MTMR12: variants seen among roughly 807,000 people sequenced by gnomAD.
The protein encoded by MTMR12 is myotubularin-related protein 12.
MTMR12 carries 33 observed loss-of-function variants against 96.7 expected under a neutral mutation model. The ratio of observed to expected loss-of-function variants is 0.34; its 90% CI spans 0.26 to 0.46. MTMR12 has a LOEUF of 0.46. Among genes scored for constraint, MTMR12 ranks in the 20% least tolerant of loss-of-function variants. MTMR12 has a pLI of 1.00. For synonymous variants in MTMR12, 298 were observed against 327.2 expected, an observed-to-expected ratio of 0.91 and a Z score of 0.96; for missense variants, 721 against 896.1, an observed-to-expected ratio of 0.80 and a Z score of 2.49.
At chr5:32,247,945 T>C (rs1421589798) in intron 10 of MTMR12, 57 bp downstream of exon 10, 4 of 1,584,290 alleles carry the variant, frequency 2.5e-6, no homozygotes, top group Non-Finnish European at 3.4e-6. Context: ...TCACCTGATC[T>C]GCATGGCATG....
At chr5:32,267,101 G>A (rs540882463) in intron 6 of MTMR12, among the ~76,000 whole-genome samples, 4 of 151,386 alleles carry the variant, frequency 2.6e-5, no homozygotes, top group South Asian at 2.1e-4. Flanking sequence ...AAAGAGTAAC[G>A]GACGGGCCCT....
chr5:32,255,836 C>T, intron 7 of MTMR12, 68 bp from the exon 8 acceptor site: 1 of 1,335,204 alleles, frequency 7.5e-7, no homozygotes, highest in Non-Finnish European at 1.1e-6. Context: ...AGCTCAACTT[C>T]AATGGATACG....
intron 1 of MTMR12, among the ~76,000 whole-genome samples, chr5:32,287,506 GTAATT>G (rs1750581961): frequency 6.6e-6 from 1 of 152,182 alleles, no homozygotes; most frequent in African/African-American, 2.4e-5. Context: ...TTGTGATCAT[GTAATT>G]TAATATTTAA....
In MTMR12 at chr5:32,312,923, C is replaced by G; in HGVS notation, c.-85G>C. Reference sequence around the variant, plus strand: ...GGGGCAGCAGCGGCGGCCACCAGCACTAGCGGCTGGGGCTCCGCCCATCCC... The same window carrying G: ...GGGGCAGCAGCGGCGGCCACCAGCAGTAGCGGCTGGGGCTCCGCCCATCCC... On this transcript the variant is annotated 5_prime_UTR_variant, in exon 1 of 16. Coordinates refer to ENST00000382142, the MANE Select transcript of MTMR12 (RefSeq NM_001040446.3). The surrounding 1 kb of genome is among the most constrained non-coding windows in gnomAD (Gnocchi z 5.0). 2.3e-6 allele frequency: 3 copies of G among 1,287,966 alleles called. No individual in the cohort carries two copies. Among genetic ancestry groups the G allele is most frequent in the Non-Finnish European group, 2.0e-6 (2 of 979,486 alleles). The allele number at this position is 1,287,966 out of a possible 1,614,324, so 79.8% of individuals were successfully genotyped here.
intron 8 of MTMR12, among the ~76,000 whole-genome samples, chr5:32,251,422 C>T (rs1401500175): frequency 6.6e-6 from 1 of 151,978 alleles, no homozygotes; most frequent in Non-Finnish European, 1.5e-5. Flanking sequence ...CAAGGGAGTA[C>T]AATGTTTCCA....
At chr5:32,244,328 G>A (rs569849911) in intron 10 of MTMR12, among the ~76,000 whole-genome samples, 3 of 151,228 alleles carry the variant, frequency 2.0e-5, no homozygotes, top group South Asian at 4.2e-4. Context: ...GGTGGCTCAC[G>A]CCTGTAATCC....
At chr5:32,276,874 T>C (rs1260563896) in intron 1 of MTMR12, 132 bp from the exon 2 acceptor site, 1 of 1,550 alleles carries the variant, frequency 6.5e-4, no homozygotes. Flanking sequence ...TACAAGCTAC[T>C]TTTTTTTTTT....
At chr5:32,305,795 C>T (rs1165796173) in intron 1 of MTMR12, among the ~76,000 whole-genome samples, 2 of 151,604 alleles carry the variant, frequency 1.3e-5, no homozygotes, top group East Asian at 1.9e-4. Flanking sequence ...CCCAGCTACT[C>T]GGGAGGCTGA....
Position 32,263,120 on chromosome 5 carries a change from A to T in MTMR12, c.706T>A (p.Cys236Ser), listed in dbSNP as rs199989524. The change falls in exon 7 of 16, where the codon TGT becomes AGT. Residue 236 changes from cysteine (C) to serine (S), a missense_variant. Transcript: ENST00000382142. ...AVSVNEGYKV[C>S]ERLPAYFVVP... The stretch of plus-strand genomic sequence containing the variant: ...CCAGCATGGAAAGCTTACCTCTCAC[A>T]GACTTTATAGCCTTCGTTGACACTC... The T allele has an allele frequency of 1.9e-4, 309 of 1,614,192 alleles. No individual in the cohort carries two copies. The East Asian group carries it at 4.6e-3, about 24-fold the overall frequency.
chr5:32,281,337 T>A (rs903249337), intron 1 of MTMR12, among the ~76,000 whole-genome samples: 4 of 151,424 alleles, frequency 2.6e-5, no homozygotes, highest in South Asian at 2.1e-4. Context: ...TAAACTAAAT[T>A]GACTCTACTC....
At chr5:32,250,667 C>T (rs1244045621) in intron 8 of MTMR12, among the ~76,000 whole-genome samples, 2 of 152,190 alleles carry the variant, frequency 1.3e-5, no homozygotes, top group African/African-American at 4.8e-5. Flanking sequence ...ACTAAGTGTT[C>T]TTAACCCTTT....
In MTMR12 at chr5:32,312,674, C is replaced by G; in HGVS notation, c.81+84G>C. ...CAAGGGCAGGAAGCGCTCCGCGGCGCTCCCCGCTGCAAGGAAGGGGCTCCC... is the reference window on the plus strand; with the variant it reads ...CAAGGGCAGGAAGCGCTCCGCGGCGGTCCCCGCTGCAAGGAAGGGGCTCCC... On this transcript the variant is annotated intron_variant, in intron 1 of 15. Transcript: ENST00000382142. The surrounding 1 kb of genome is among the most constrained non-coding windows in gnomAD (Gnocchi z 5.0). 4.1e-6 allele frequency: 5 copies of G among 1,220,842 alleles called. No individual in the cohort carries two copies. Among genetic ancestry groups the G allele is most frequent in the Non-Finnish European group, 4.2e-6 (4 of 956,984 alleles). The allele number at this position is 1,220,842 out of a possible 1,614,324, so 75.6% of individuals were successfully genotyped here. A position where few individuals can be genotyped will look rare whatever the true frequency, so the allele number is the denominator to read the frequency against.
rs73752847 is a variant in MTMR12 at position 32,240,970 on chromosome 5, T to C, written c.1171+1087A>G. 5.1e-3 allele frequency among the ~76,000 whole-genome samples: 783 copies of C among 152,280 alleles called. 7 individuals carry two copies. The highest frequency in any genetic ancestry group is 0.018 in the African/African-American group (760 of 41,556). ...GTGTTAATGATACTCCTGTGGGTAA[T>C]GGAATGAAGGACTAAAAGAGATTTC... is the stretch of plus-strand genomic sequence containing the variant. On this transcript the variant is annotated intron_variant, in intron 12 of 15. Transcript: ENST00000382142.
chr5:32,239,682 C>T (rs942568003), intron 12 of MTMR12, among the ~76,000 whole-genome samples: 13 of 152,216 alleles, frequency 8.5e-5, no homozygotes, highest in Admixed American at 3.3e-4. Context: ...TCCTCCACTC[C>T]TAAGTCCTCC....
In MTMR12 at chr5:32,230,027, C is replaced by G. The variant is rs1747931585; in HGVS notation, c.1995G>C (p.Leu665Phe). The G allele has an allele frequency of 6.2e-7, 1 of 1,613,540 alleles. No homozygotes were observed. The highest frequency in any genetic ancestry group is 8.5e-7 in the Non-Finnish European group (1 of 1,179,596). The part of the protein sequence containing the change: ...GGQVATLSKL[L>F]EMMEEVQSLQ... ...AACTCTGGACTTCCTCCATCATTTC[C>G]AAGAGTTTGCTCAGAGTGGCCACTT... The change falls in exon 16 of 16, where the codon TTG (leucine) becomes TTC (phenylalanine). Residue 665 changes from leucine to phenylalanine, a missense_variant. Transcript: ENST00000382142.
At position 32,234,971 on chromosome 5, in the gene MTMR12, A is replaced by G. The variant is rs1181791962; in HGVS notation, c.1503T>C (p.Asp501=). Residue 501 remains aspartate (D), a synonymous_variant, in exon 14 of 16, where the codon GAT becomes GAC. Transcript: ENST00000382142. The part of the protein sequence containing the change: ...TFFFNSPHQK[D]TNMGREGQDT... ...TAAGAGGGACTCTTACCATGTTAGT[A>G]TCTTTTTGATGAGGTGAATTGAAGA... The G allele has an allele frequency of 7.4e-6, 12 of 1,612,846 alleles. No individual in the cohort carries two copies. Among genetic ancestry groups the G allele is most frequent in the Admixed American group, 1.7e-5 (1 of 59,936 alleles).
At chr5:32,261,516 G>GACCA (rs1749359105) in intron 7 of MTMR12, among the ~76,000 whole-genome samples, 2 of 152,038 alleles carry the variant, frequency 1.3e-5, no homozygotes, top group South Asian at 4.1e-4. Context: ...AAACCTTCCT[G>GACCA]ACCAACCCTC....
At chr5:32,282,443 A>G (rs1394285654) in intron 1 of MTMR12, among the ~76,000 whole-genome samples, 6 of 149,776 alleles carry the variant, frequency 4.0e-5, no homozygotes, top group Non-Finnish European at 8.9e-5. Flanking sequence ...AAATAAATAA[A>G]TAAATAAATA....
intron 10 of MTMR12, among the ~76,000 whole-genome samples, chr5:32,247,324 C>A (rs1748732405): frequency 6.6e-6 from 1 of 152,154 alleles, no homozygotes; most frequent in South Asian, 2.1e-4. Context: ...GCACTCCAGT[C>A]TGGATGACAG....
Sources: gnomAD v4.1 joint callset for allele counts (sites outside exome capture counted in the v4.1 genomes callset) on GRCh38, gnomAD v4.1.1 for gene constraint, Gnocchi (gnomAD v3.1) non-coding constraint, MANE v1.5 for transcripts, NCBI Gene and HGNC (gene_info 2026-07-23, HGNC 2026-07-21) for gene names.